The following PELP1 variants were observed in gnomAD, a reference collection of about 807,000 sequenced individuals.
PELP1 encodes the protein proline, glutamate and leucine rich protein 1.
Under a neutral mutation model 95.5 loss-of-function variants are expected in PELP1, and 32 were observed. The ratio of observed to expected loss-of-function variants is 0.34; its 90% CI spans 0.25 to 0.45. PELP1 has a LOEUF of 0.45. Ranked by LOEUF, PELP1 falls within the 20% of genes least tolerant of loss-of-function variation. The pLI, the probability that PELP1 is intolerant of heterozygous loss-of-function variation, is 1.00. For synonymous variants in PELP1, 668 were observed against 600.1 expected (o/e 1.11, Z -1.65); for missense variants, 1,358 against 1,444.8 (o/e 0.94, Z 0.97).
At chr17:4,691,551 A>C in intron 1 of PELP1, 109 bp from the exon 2 acceptor site, 1 of 833,630 alleles carries the variant, frequency 1.2e-6, no homozygotes, top group Non-Finnish European at 2.0e-6. Flanking sequence ...CTGAAGTCAC[A>C]TCTCCTCTGA....
intron 5 of PELP1, among the ~76,000 whole-genome samples, chr17:4,679,028 T>A (rs1912601774): frequency 6.8e-6 from 1 of 147,290 alleles, no homozygotes; most frequent in South Asian, 2.1e-4. Context: ...GTTCTCCAGA[T>A]GACCTTTTTT....
chr17:4,702,808 T>C (rs1913595033), intron 1 of PELP1, among the ~76,000 whole-genome samples: 1 of 152,092 alleles, frequency 6.6e-6, no homozygotes, highest in Non-Finnish European at 1.5e-5. Context: ...GGGGGAGGTT[T>C]AGTGGGAGAG....
At chr17:4,678,073 G>C (rs1912557289) in intron 5 of PELP1, among the ~76,000 whole-genome samples, 1 of 152,050 alleles carries the variant, frequency 6.6e-6, no homozygotes, top group Admixed American at 6.6e-5. Context: ...AATTAGCTGG[G>C]CACAGTGGTG....
Position 4,671,067 on chromosome 17 carries a change from C to T in PELP1, c.*372G>A. ...ATGTGGGTGTTGACACAGGTCCACT[C>T]ACTAGGATGCATTCTCCACACATTT... is the stretch of plus-strand genomic sequence containing the variant. On this transcript the variant is annotated 3_prime_UTR_variant, in exon 17 of 17. Transcript: ENST00000572293. The T allele has an allele frequency of 3.5e-6, 1 of 283,134 alleles. No homozygotes were observed. Among genetic ancestry groups the T allele is most frequent in the Non-Finnish European group, 6.7e-6 (1 of 148,480 alleles). 17.5% of individuals were successfully genotyped at this position (283,134 alleles called of 1,614,324 possible).
At chr17:4,693,797 A>G (rs1382591127) in intron 1 of PELP1, among the ~76,000 whole-genome samples, 1 of 152,190 alleles carries the variant, frequency 6.6e-6, no homozygotes, top group Non-Finnish European at 1.5e-5. Flanking sequence ...TATTTCTGGA[A>G]TTTTCCACCT....
At position 4,671,551 on chromosome 17, in the gene PELP1, AAGATTC is replaced by A; in HGVS notation, c.3301-26_3301-21del. ...CTGCTCCTTTTAGGCACAAAGATAC[AAGATTC>A]AGAATAGTCACACACACATACACAG... On this transcript the variant is annotated intron_variant, in intron 16 of 16. Transcript: ENST00000572293. 1.2e-6 allele frequency: 2 copies of A among 1,613,254 alleles called. No individual in the cohort carries two copies. Among genetic ancestry groups the A allele is most frequent in the Non-Finnish European group, 1.7e-6 (2 of 1,179,612 alleles).
In PELP1 at chr17:4,673,215, A is replaced by G. The variant is rs1254596712; in HGVS notation, c.1845+35T>C. ...GAGTCTCTTGGAAACAAGAGACTCCAGGAACCAAAGAGGGGCTTGGCCCAT... is the reference window on the plus strand; with the variant it reads ...GAGTCTCTTGGAAACAAGAGACTCCGGGAACCAAAGAGGGGCTTGGCCCAT... On this transcript the variant is annotated intron_variant, in intron 15 of 16. Coordinates refer to ENST00000572293, the MANE Select transcript of PELP1 (RefSeq NM_014389.3). This position sits in a 1 kb window ranked among gnomAD's most constrained non-coding sequence, Gnocchi z 5.7. 2 of 1,544,550 alleles carry G rather than the reference A, an allele frequency of 1.3e-6. No homozygotes were observed. The highest frequency in any genetic ancestry group is 8.8e-7 in the Non-Finnish European group (1 of 1,140,450).
At chr17:4,695,069 T>C (rs773933729) in intron 1 of PELP1, among the ~76,000 whole-genome samples, 20 of 151,726 alleles carry the variant, frequency 1.3e-4, no homozygotes, top group Non-Finnish European at 2.2e-4. Context: ...ATGCCTGTAA[T>C]TCCAGCACTT....
chr17:4,685,821 G>T (rs1912890917), intron 3 of PELP1, among the ~76,000 whole-genome samples: 1 of 137,738 alleles, frequency 7.3e-6, no homozygotes, highest in South Asian at 2.3e-4. Flanking sequence ...AAAGGGCTGG[G>T]CTTGGTAGCT....
Position 4,674,969 on chromosome 17 carries a change from C to T in PELP1, c.1275-13G>A. On this transcript the variant is annotated splice_polypyrimidine_tract_variant and intron_variant, in intron 11 of 16. Transcript: ENST00000572293. Reference sequence around the variant, plus strand: ...GGTCCGAACCGTGCTGTGTCATGAGCAAAGATGGCAGTTATGAATGGGGGG... The same window carrying T: ...GGTCCGAACCGTGCTGTGTCATGAGTAAAGATGGCAGTTATGAATGGGGGG... 6 of 1,606,522 alleles carry T rather than the reference C, an allele frequency of 3.7e-6. No homozygotes were observed. The highest frequency in any genetic ancestry group is 4.3e-6 in the Non-Finnish European group (5 of 1,174,222).
At chr17:4,683,375 C>G (rs1200699245) in intron 3 of PELP1, among the ~76,000 whole-genome samples, 3 of 151,686 alleles carry the variant, frequency 2.0e-5, no homozygotes, top group South Asian at 2.1e-4. Flanking sequence ...CGCCCGCCAC[C>G]ACGCCTGACT....
chr17:4,695,283 C>T (rs1913254138), intron 1 of PELP1, among the ~76,000 whole-genome samples: 1 of 151,886 alleles, frequency 6.6e-6, no homozygotes, highest in Non-Finnish European at 1.5e-5. Context: ...GATCACGCCA[C>T]TGCACTCCAG....
chr17:4,695,667 TAA>T (rs71147081), intron 1 of PELP1, among the ~76,000 whole-genome samples: 754 of 62,572 alleles, frequency 0.012, 7 homozygotes, highest in African/African-American at 0.032. Context: ...CCCTCTCTCT[TAA>T]AAAAAAAAAA....
chr17:4,683,900 G>A (rs988827856), intron 3 of PELP1, among the ~76,000 whole-genome samples: 29 of 138,978 alleles, frequency 2.1e-4, no homozygotes, highest in Non-Finnish European at 3.8e-4. Context: ...GTGCAGTAGC[G>A]CAATCTTGGC....
intron 1 of PELP1, among the ~76,000 whole-genome samples, chr17:4,698,688 AATGCAACATGTGATC>A (rs1352659834): frequency 1.3e-5 from 2 of 151,488 alleles, no homozygotes; most frequent in Non-Finnish European, 2.9e-5. Flanking sequence ...AAAACAACTA[AATGCAACATGTGATC>A]CTGCATTAAA....
intron 1 of PELP1, among the ~76,000 whole-genome samples, chr17:4,701,912 C>T (rs1913554787): frequency 1.3e-5 from 2 of 152,144 alleles, no homozygotes. Context: ...ACAAGTAGCA[C>T]AGGAAATATT....
chr17:4,676,845 G>A (rs777572813), intron 5 of PELP1, 33 bp from the exon 6 acceptor site: 6 of 1,516,064 alleles, frequency 4.0e-6, no homozygotes, highest in East Asian at 4.9e-5. Context: ...AGAGGCCAGT[G>A]AGCCAGCTCT....
chr17:4,690,224 T>C (rs1913048145), intron 3 of PELP1, among the ~76,000 whole-genome samples: 2 of 152,056 alleles, frequency 1.3e-5, no homozygotes, highest in Non-Finnish European at 2.9e-5. Flanking sequence ...AGTTAAGCTA[T>C]GAGGACGCAA....
intron 3 of PELP1, among the ~76,000 whole-genome samples, chr17:4,684,943 C>T (rs1284830718): frequency 1.3e-5 from 2 of 152,190 alleles, no homozygotes; most frequent in Non-Finnish European, 2.9e-5. Flanking sequence ...TCGTTATCTG[C>T]CTGCCTTGGC....
Sources: gnomAD v4.1 joint callset for allele counts (sites outside exome capture counted in the v4.1 genomes callset) on GRCh38, gnomAD v4.1.1 for gene constraint, Gnocchi (gnomAD v3.1) non-coding constraint, MANE v1.5 for transcripts, NCBI Gene and HGNC (gene_info 2026-07-23, HGNC 2026-07-21) for gene names.